The following OSBPL6 variants were observed in gnomAD, a reference collection of about 807,000 sequenced individuals.
The protein encoded by OSBPL6 is oxysterol-binding protein-related protein 6.
In OSBPL6, 49 loss-of-function variants were observed where a neutral mutation model predicts 125.8. That is an observed-to-expected ratio of 0.39 (90% CI 0.31 to 0.49). The LOEUF is 0.49. Ranked by LOEUF, OSBPL6 falls within the 20% of genes least tolerant of loss-of-function variation. OSBPL6 has a pLI of 0.88. For missense variants in OSBPL6, 986 were observed against 1,135.4 expected (o/e 0.87, Z 1.89); for synonymous variants, 394 against 391.8 (o/e 1.01, Z -0.07).
At chr2:178,262,376 T>C (rs2092092161) in intron 1 of OSBPL6, among the ~76,000 whole-genome samples, 1 of 152,198 alleles carries the variant, frequency 6.6e-6, no homozygotes, top group South Asian at 2.1e-4. Context: ...CCATAATATG[T>C]ATTGCAAAAG....
At chr2:178,214,789 AT>A (rs929694331) in intron 1 of OSBPL6, among the ~76,000 whole-genome samples, 4 of 150,816 alleles carry the variant, frequency 2.7e-5, no homozygotes, top group East Asian at 3.9e-4. Flanking sequence ...CTTAAAAAAA[AT>A]TTTTTTTTTA....
Position 178,265,607 on chromosome 2 carries a change from TGGTG to T in OSBPL6, c.-350-19318_-350-19315del, listed in dbSNP as rs140824341. On this transcript the variant is annotated intron_variant, in intron 1 of 24. Coordinates refer to ENST00000190611, the MANE Select transcript of OSBPL6 (RefSeq NM_032523.4). Reference sequence around the variant, plus strand: ...ATTAGAGGTTACTGGTTCTTTTTTGTGGTGGCTTTAAGTGGGAAGATTTATCACA... The same window carrying T: ...ATTAGAGGTTACTGGTTCTTTTTTGTGCTTTAAGTGGGAAGATTTATCACA... 1.6e-3 allele frequency among the ~76,000 whole-genome samples: 245 copies of T among 152,222 alleles called. 1 individual carries two copies. Among genetic ancestry groups the T allele is most frequent in the Non-Finnish European group, 3.1e-3 (211 of 68,004 alleles).
chr2:178,303,075 T>C (rs960400649), intron 2 of OSBPL6, among the ~76,000 whole-genome samples: 1 of 152,218 alleles, frequency 6.6e-6, no homozygotes, highest in African/African-American at 2.4e-5. Flanking sequence ...CAGCTTGGAA[T>C]CAGAAACTTC....
chr2:178,385,152 T>G (rs1357887291), intron 18 of OSBPL6, among the ~76,000 whole-genome samples: 2 of 152,022 alleles, frequency 1.3e-5, no homozygotes, highest in Non-Finnish European at 2.9e-5. Context: ...GGTTGATTGG[T>G]GCAGCAAACC....
chr2:178,372,324 C>A, intron 14 of OSBPL6, 91 bp downstream of exon 14: 1 of 846,360 alleles, frequency 1.2e-6, no homozygotes. Context: ...AGTTCTTTCA[C>A]AGTTAATAAG....
chr2:178,250,145 A>T (rs533812904), intron 1 of OSBPL6, among the ~76,000 whole-genome samples: 1 of 152,224 alleles, frequency 6.6e-6, no homozygotes, highest in Non-Finnish European at 1.5e-5. Flanking sequence ...TCTAACAGCT[A>T]TGCTGATGCC....
At position 178,399,600 on chromosome 2, in the gene OSBPL6, T is replaced by G. The variant is rs1219648994; in HGVS notation, c.*4041T>G. 2.0e-5 allele frequency: 3 copies of G among 152,220 alleles called. No individual in the cohort carries two copies. 9.4% of individuals were successfully genotyped at this position (152,220 alleles called of 1,614,324 possible). ...CAACATGTCCAACATCTTAAGCAAATGAAGCTTCATGATTAAGGCAGCTTA... is the reference window on the plus strand; with the variant it reads ...CAACATGTCCAACATCTTAAGCAAAGGAAGCTTCATGATTAAGGCAGCTTA... On this transcript the variant is annotated 3_prime_UTR_variant, in exon 25 of 25. Coordinates refer to ENST00000190611, the MANE Select transcript of OSBPL6 (RefSeq NM_032523.4).
chr2:178,370,318 C>T (rs1222422762), intron 13 of OSBPL6, among the ~76,000 whole-genome samples: 2 of 152,104 alleles, frequency 1.3e-5, no homozygotes, highest in African/African-American at 4.8e-5. Flanking sequence ...TATCAAATAG[C>T]TTACCATGAG....
intron 3 of OSBPL6, among the ~76,000 whole-genome samples, chr2:178,307,663 C>T (rs1447412426): frequency 5.9e-5 from 9 of 151,484 alleles, no homozygotes; most frequent in Admixed American, 5.9e-4. Context: ...CAAATTTAGT[C>T]TACCTTTGCC....
chr2:178,354,664 A>G (rs1415031180), intron 12 of OSBPL6, among the ~76,000 whole-genome samples: 4 of 152,204 alleles, frequency 2.6e-5, no homozygotes, highest in South Asian at 2.1e-4. Context: ...CACTGTCAAT[A>G]TTAGACAGAT....
rs746178466 is a variant in OSBPL6 at position 178,372,153 on chromosome 2, A to G, written c.1315A>G (p.Ser439Gly). Reference protein sequence around the residue: ...QALNQNAELRSRLNRIHSESI... With the variant: ...QALNQNAELRGRLNRIHSESI... Reference sequence around the variant, plus strand: ...ACTCAACCAGAATGCTGAACTAAGGAGTCGGTTGAACAGAATACATTCAGA... The same window carrying G: ...ACTCAACCAGAATGCTGAACTAAGGGGTCGGTTGAACAGAATACATTCAGA... The change falls in exon 14 of 25, where the codon AGT becomes GGT. Residue 439 changes from serine to glycine, a missense_variant. Ser to Gly is a moderately conservative substitution (Grantham distance 56). Coordinates refer to ENST00000190611, the MANE Select transcript of OSBPL6 (RefSeq NM_032523.4). 8 of 1,612,954 alleles carry G rather than the reference A, an allele frequency of 5.0e-6. No homozygotes were observed. In the African/African-American group the frequency reaches 8.0e-5, roughly 16 times the overall value.
chr2:178,247,682 G>T (rs1451243250), intron 1 of OSBPL6, among the ~76,000 whole-genome samples: 2 of 151,920 alleles, frequency 1.3e-5, no homozygotes, highest in Non-Finnish European at 2.9e-5. Flanking sequence ...TCATCTTTGG[G>T]CCTTTCCCTA....
intron 12 of OSBPL6, among the ~76,000 whole-genome samples, chr2:178,361,173 A>G (rs1485547717): frequency 6.6e-6 from 1 of 152,222 alleles, no homozygotes; most frequent in Non-Finnish European, 1.5e-5. Flanking sequence ...CCTACCTCCA[A>G]GAGAACCAGT....
At chr2:178,209,084 A>G (rs1163338777) in intron 1 of OSBPL6, among the ~76,000 whole-genome samples, 2 of 152,046 alleles carry the variant, frequency 1.3e-5, no homozygotes, top group Admixed American at 1.3e-4. Context: ...TTCTCTCTTT[A>G]TGTTCAATCT....
Position 178,402,769 on chromosome 2 carries a change from A to T in OSBPL6, c.*7210A>T, listed in dbSNP as rs1696133375. 6.6e-6 allele frequency: 1 copy of T among 152,192 alleles called. No individual in the cohort carries two copies. Among genetic ancestry groups the T allele is most frequent in the Admixed American group, 6.5e-5 (1 of 15,286 alleles). 9.4% of individuals were successfully genotyped at this position (152,192 alleles called of 1,614,324 possible). A position where few individuals can be genotyped will look rare whatever the true frequency, so the allele number is the denominator to read the frequency against. On this transcript the variant is annotated 3_prime_UTR_variant, in exon 25 of 25. Transcript: ENST00000190611. ...TTTCCTAATGAAAGAGGAATTATTC[A>T]CTGAAAAATTTGTCTAATCTGTGCC...
intron 1 of OSBPL6, among the ~76,000 whole-genome samples, chr2:178,229,003 G>A (rs955636811): frequency 6.6e-6 from 1 of 152,180 alleles, no homozygotes; most frequent in African/African-American, 2.4e-5. Flanking sequence ...TCTGAACTCT[G>A]GGAAGTCCAA....
intron 13 of OSBPL6, among the ~76,000 whole-genome samples, chr2:178,367,627 T>C (rs1692965787): frequency 6.6e-6 from 1 of 152,192 alleles, no homozygotes; most frequent in Admixed American, 6.5e-5. Flanking sequence ...GAGGTGGCAA[T>C]TTAGGTAATT....
In OSBPL6 at chr2:178,339,747, A is replaced by T; in HGVS notation, c.970A>T (p.Thr324Ser). 16 of 1,603,516 alleles carry T rather than the reference A, an allele frequency of 1.0e-5. No homozygotes were observed. The highest frequency in any genetic ancestry group is 1.4e-5 in the Non-Finnish European group (16 of 1,175,538). The stretch of plus-strand genomic sequence containing the variant: ...GAGAACAAAAAGTGTCAGCAAAGAT[A>T]CAAAAATACAACTGCAGGTACAGAT... ...RWRTKSVSKD[T>S]KIQLQVPFSA... The change falls in exon 11 of 25, where the codon ACA becomes TCA. Residue 324 changes from threonine to serine, a missense_variant. This residue lies in a region of OSBPL6 where 843 missense variants were observed against 997.3 expected (regional missense o/e 0.85). Coordinates refer to ENST00000190611, the MANE Select transcript of OSBPL6 (RefSeq NM_032523.4).
At position 178,328,253 on chromosome 2, in the gene OSBPL6, C is replaced by T; in HGVS notation, c.196-3C>T. On this transcript the variant is annotated splice_region_variant and splice_polypyrimidine_tract_variant and intron_variant, in intron 4 of 24. Transcript: ENST00000190611. ...GTGATTTGTTTTTCTTCTTTTCTCT[C>T]AGGAAGCTGACAGCTGGGAAATTAT... 1 of 1,613,048 alleles carries T rather than the reference C, an allele frequency of 6.2e-7. No individual in the cohort carries two copies. Among genetic ancestry groups the T allele is most frequent in the Non-Finnish European group, 8.5e-7 (1 of 1,179,554 alleles).
Sources: gnomAD v4.1 joint callset for allele counts (sites outside exome capture counted in the v4.1 genomes callset) on GRCh38, gnomAD v4.1.1 for gene constraint, gnomAD v4.1.1 regional missense constraint, MANE v1.5 for transcripts, NCBI Gene and HGNC (gene_info 2026-07-23, HGNC 2026-07-21) for gene names.